Variants in HEPHL1 observed in about 807,000 individuals in gnomAD.
HEPHL1 encodes ferroxidase HEPHL1.
A neutral mutation model predicts 122.0 loss-of-function variants in HEPHL1; 123 were observed. The observed-to-expected ratio is 1.01, with a 90% CI of 0.87 to 1.17. HEPHL1 has a LOEUF of 1.17. HEPHL1 is among the 50% of genes most tolerant of loss of function. The probability of loss-of-function intolerance (pLI) is 0.00; values close to 1 mark genes in which losing one functional copy is unlikely to be tolerated. For synonymous variants in HEPHL1, 527 were observed against 508.9 expected, an observed-to-expected ratio of 1.04 and a Z score of -0.48; for missense variants, 1,452 against 1,430.5, an observed-to-expected ratio of 1.01 and a Z score of -0.24.
At chr11:94,072,933 T>A (rs879418492) in intron 6 of HEPHL1, 92 bp from the exon 7 acceptor site, 50 of 1,204,070 alleles carry the variant, frequency 4.2e-5, no homozygotes, top group African/African-American at 6.1e-5. Flanking sequence ...GGTGGGCGAG[T>A]GGACTAAAAG....
At chr11:94,033,083 T>C (rs1280894220) in intron 1 of HEPHL1, among the ~76,000 whole-genome samples, 1 of 152,124 alleles carries the variant, frequency 6.6e-6, no homozygotes, top group Non-Finnish European at 1.5e-5. Context: ...AGTCAAAAGG[T>C]CAAACTGCGC....
At chr11:94,104,779 T>C (rs1291656801) in intron 16 of HEPHL1, 29 bp downstream of exon 16, 2 of 1,510,736 alleles carry the variant, frequency 1.3e-6, no homozygotes, top group Admixed American at 3.5e-5. Context: ...AAGAAGCCTA[T>C]GTTGAGATAA....
chr11:94,036,124 C>T (rs1346052952), intron 1 of HEPHL1, among the ~76,000 whole-genome samples: 4 of 152,274 alleles, frequency 2.6e-5, no homozygotes, highest in South Asian at 2.1e-4. Flanking sequence ...CCCTTAAGGG[C>T]GTATTTCATT....
chr11:94,036,838 CAA>C (rs71305380), intron 1 of HEPHL1, among the ~76,000 whole-genome samples: 9 of 103,862 alleles, frequency 8.7e-5, no homozygotes, highest in Admixed American at 1.1e-4. Flanking sequence ...GACTCCGTCT[CAA>C]AAAAAAAAAA....
chr11:94,097,029 T>C (rs1360745813), intron 13 of HEPHL1, among the ~76,000 whole-genome samples: 1 of 152,252 alleles, frequency 6.6e-6, no homozygotes, highest in Non-Finnish European at 1.5e-5. Flanking sequence ...TCAGTTCTGC[T>C]CTGATCTTAG....
intron 2 of HEPHL1, among the ~76,000 whole-genome samples, chr11:94,060,153 C>T (rs1445601914): frequency 1.7e-5 from 2 of 119,070 alleles, no homozygotes; most frequent in Non-Finnish European, 3.4e-5. Flanking sequence ...TATATATACA[C>T]GCACTGGGGT....
At chr11:94,067,134 A>G (rs2511405) in intron 4 of HEPHL1, among the ~76,000 whole-genome samples, 146,954 of 152,220 alleles carry the variant, frequency 0.97, 71,138 homozygotes, top group East Asian at 1. Context: ...GAATCTGGTG[A>G]AGACAGCAGA....
At chr11:94,051,661 A>T (rs1474247932) in intron 2 of HEPHL1, among the ~76,000 whole-genome samples, 1 of 152,082 alleles carries the variant, frequency 6.6e-6, no homozygotes. Flanking sequence ...CCATTTGTCC[A>T]CTTGTGCCTT....
intron 15 of HEPHL1, among the ~76,000 whole-genome samples, chr11:94,104,318 A>G (rs1201811252): frequency 6.6e-6 from 1 of 152,190 alleles, no homozygotes; most frequent in Non-Finnish European, 1.5e-5. Context: ...ACGGAAAATC[A>G]CTGAAGACTT....
chr11:94,102,992 T>C lies in HEPHL1; in HGVS notation c.2654T>C (p.Val885Ala). Reference sequence around the variant, plus strand: ...TCTGATCCCAATTGTATTCCATGGGTTTACTATTCAACAGTAAACTTTGTG... The same window carrying C: ...TCTGATCCCAATTGTATTCCATGGGCTTACTATTCAACAGTAAACTTTGTG... ...GPSDPNCIPWVYYSTVNFVKD... is the reference protein window; with the variant it reads ...GPSDPNCIPWAYYSTVNFVKD... The change falls in exon 15 of 20, where the codon GTT (valine) becomes GCT (alanine). Residue 885 changes from valine (V) to alanine (A), a missense_variant. Val to Ala is a moderately conservative substitution (Grantham distance 64). Transcript: ENST00000315765. 6.2e-7 allele frequency: 1 copy of C among 1,604,072 alleles called. No individual in the cohort carries two copies.
In HEPHL1 at chr11:94,093,993, T is replaced by G. The variant is rs1174098636; in HGVS notation, c.2434+353T>G. Among the ~76,000 whole-genome samples, 39 of 88,498 alleles carry G rather than the reference T, an allele frequency of 4.4e-4. 3 individuals carry two copies. The highest frequency in any genetic ancestry group is 1.4e-3 in the African/African-American group (26 of 17,936). 58.1% of individuals were successfully genotyped at this position (88,498 alleles called of 152,430 possible). On this transcript the variant is annotated intron_variant, in intron 13 of 19. Transcript: ENST00000315765. ...GCAGATATATATATATATATATATATATATATATATATATATATATAAAAC... is the reference window on the plus strand; with the variant it reads ...GCAGATATATATATATATATATATAGATATATATATATATATATATAAAAC...
chr11:94,100,796 T>C (rs750632410), intron 13 of HEPHL1, among the ~76,000 whole-genome samples: 1 of 152,158 alleles, frequency 6.6e-6, no homozygotes, highest in Non-Finnish European at 1.5e-5. Flanking sequence ...GATTTCTCAG[T>C]AGTAAAAAAG....
chr11:94,068,461 T>C (rs901268313), intron 5 of HEPHL1, among the ~76,000 whole-genome samples: 1 of 152,126 alleles, frequency 6.6e-6, no homozygotes, highest in Non-Finnish European at 1.5e-5. Context: ...ATGATAAACA[T>C]TTGTTGGCTT....
intron 10 of HEPHL1, among the ~76,000 whole-genome samples, chr11:94,085,369 C>T (rs60112495): frequency 0.032 from 4,843 of 152,224 alleles, 282 homozygotes; most frequent in African/African-American, 0.11. Flanking sequence ...TAAGGAAGTA[C>T]GAGTTATCAT....
chr11:94,111,662 AG>A (rs753794327), intron 19 of HEPHL1, 29 bp from the exon 20 acceptor site: 1 of 1,611,868 alleles, frequency 6.2e-7, no homozygotes, highest in Non-Finnish European at 8.5e-7. Context: ...CAAAAATGTC[AG>A]GGGCCTGACA....
chr11:94,035,738 A>G (rs568341597), intron 1 of HEPHL1, among the ~76,000 whole-genome samples: 9 of 152,100 alleles, frequency 5.9e-5, no homozygotes, highest in African/African-American at 2.2e-4. Context: ...AGTCTCTTTT[A>G]TTTTATTTTA....
chr11:94,093,985 T>A (rs1349034513), intron 13 of HEPHL1, among the ~76,000 whole-genome samples: 1 of 81,944 alleles, frequency 1.2e-5, no homozygotes, highest in Non-Finnish European at 2.3e-5. Flanking sequence ...TATATATATA[T>A]ATATATATAT....
At position 94,073,146 on chromosome 11, in the gene HEPHL1, G is replaced by C; in HGVS notation, c.1354G>C (p.Ala452Pro). The stretch of plus-strand genomic sequence containing the variant: ...AAGAAAGAGACTCTCTGCTGAAGAA[G>C]CCCATCTTGGAATTCTTGGTACAGT... ...TKRKRLSAEE[A>P]HLGILGPVIK... Residue 452 changes from alanine to proline, a missense_variant, in exon 7 of 20, where the codon GCC becomes CCC. Coordinates refer to ENST00000315765, the MANE Select transcript of HEPHL1 (RefSeq NM_001098672.2). 1 of 1,613,142 alleles carries C rather than the reference G, an allele frequency of 6.2e-7. No homozygotes were observed. Among genetic ancestry groups the C allele is most frequent in the Non-Finnish European group, 8.5e-7 (1 of 1,179,446 alleles).
intron 12 of HEPHL1, among the ~76,000 whole-genome samples, chr11:94,091,970 C>A: frequency 6.6e-6 from 1 of 152,056 alleles, no homozygotes; most frequent in Non-Finnish European, 1.5e-5. Flanking sequence ...GCTTGAGAGC[C>A]AAATTGAGGA....
Sources: gnomAD v4.1 joint callset for allele counts (sites outside exome capture counted in the v4.1 genomes callset) on GRCh38, gnomAD v4.1.1 for gene constraint, MANE v1.5 for transcripts, NCBI Gene and HGNC (gene_info 2026-07-23, HGNC 2026-07-21) for gene names.